The following MTMR1 variants were observed in gnomAD, a reference collection of about 807,000 sequenced individuals.
MTMR1 encodes the protein phosphatidylinositol-3-phosphate phosphatase MTMR1.
Under a neutral mutation model 51.6 loss-of-function variants are expected in MTMR1, and 17 were observed. The ratio of observed to expected loss-of-function variants is 0.33; its 90% confidence interval spans 0.23 to 0.49. The LOEUF (loss-of-function observed/expected upper bound fraction) is 0.49, where lower values mean the gene tolerates loss of function less well. Among genes scored for constraint, MTMR1 ranks in the 20% least tolerant of loss-of-function variants. The pLI, the probability that MTMR1 is intolerant of heterozygous loss-of-function variation, is 0.99. For missense variants in MTMR1, 386 were observed against 526.9 expected (o/e 0.73, Z 2.62); for synonymous variants, 201 against 205.6 (o/e 0.98, Z 0.19).
chrX:150,701,101 G>T (rs1183930190), intron 2 of MTMR1, among the ~76,000 whole-genome samples: 1 of 112,245 alleles, frequency 8.9e-6, no homozygotes, highest in Non-Finnish European at 1.9e-5. Context: ...TTGTAAGGGG[G>T]CATGTTTTAT....
chrX:150,757,391 G>A (rs183403202), intron 15 of MTMR1, among the ~76,000 whole-genome samples: 9 of 112,757 alleles, frequency 8.0e-5, no homozygotes, highest in African/African-American at 2.9e-4. Flanking sequence ...TTCCTAGATG[G>A]CTTTCTATTT....
chrX:150,694,760 A>G (rs782045462), intron 1 of MTMR1, among the ~76,000 whole-genome samples: 4 of 112,387 alleles, frequency 3.6e-5, no homozygotes, highest in Non-Finnish European at 7.5e-5. Flanking sequence ...ATTCAACCAC[A>G]CACGAGGTCT....
chrX:150,764,499 A>G lies in MTMR1; in HGVS notation c.*1770A>G, dbSNP rs184679979. 9.0e-6 allele frequency: 1 copy of G among 111,077 alleles called. No individual in the cohort carries two copies. Among genetic ancestry groups the G allele is most frequent in the East Asian group, 2.8e-4 (1 of 3,550 alleles). 9.2% of individuals were successfully genotyped at this position (111,077 alleles called of 1,213,427 possible). A position where few individuals can be genotyped will look rare whatever the true frequency, so the allele number is the denominator to read the frequency against. On this transcript the variant is annotated 3_prime_UTR_variant, in exon 16 of 16. Transcript: ENST00000445323. The stretch of plus-strand genomic sequence containing the variant: ...TTTTTTTTTAATGGGGACATTTGCC[A>G]TTTTCTTCCCAGAAATATGTAATCC...
At position 150,755,355 on chromosome X, in the gene MTMR1, A is replaced by C. The variant is rs1351704230; in HGVS notation, c.1681-334A>C. On this transcript the variant is annotated intron_variant, in intron 14 of 15. Coordinates refer to ENST00000445323, the MANE Select transcript of MTMR1 (RefSeq NM_001306144.3). ...TACTGTGCCCAGCCTACAAAAGCAA[A>C]CCTTACACCAGAATTCAAAATTATA... Among the ~76,000 whole-genome samples, 35 of 112,143 alleles carry C rather than the reference A, an allele frequency of 3.1e-4. No homozygotes were observed. In the Admixed American group the frequency reaches 3.3e-3, roughly 11 times the overall value.
chrX:150,712,478 C>T, intron 3 of MTMR1, 113 bp downstream of exon 3: 2 of 713,214 alleles, frequency 2.8e-6, no homozygotes, highest in Non-Finnish European at 4.1e-6. Flanking sequence ...TTATGAATCA[C>T]TCAGATCAAT....
intron 15 of MTMR1, among the ~76,000 whole-genome samples, chrX:150,760,876 G>A (rs782757053): frequency 2.2e-4 from 24 of 107,265 alleles, no homozygotes; most frequent in African/African-American, 7.5e-4. Context: ...GCAGTGAGCT[G>A]AGATCGTGCC....
chrX:150,719,873 A>G (rs1385050314), intron 4 of MTMR1, among the ~76,000 whole-genome samples: 8 of 111,665 alleles, frequency 7.2e-5, no homozygotes, highest in African/African-American at 2.6e-4. Context: ...AGAAGGCTTC[A>G]GTGGATTTAG....
chrX:150,693,300 T>C (rs1423151152), upstream of MTMR1: 15 of 221,384 alleles, frequency 6.8e-5, no homozygotes, highest in Non-Finnish European at 9.1e-5. Flanking sequence ...AGGTGGGGGT[T>C]CCCGGCGCCG....
chrX:150,698,628 G>A lies in MTMR1; in HGVS notation c.147-567G>A, dbSNP rs1288862525. On this transcript the variant is annotated intron_variant, in intron 1 of 15. Transcript: ENST00000445323. ...AAGGCGGGTGGGTCACTCGAGCCCAGGAATTCGAGACTAGCCTGGGAAACA... is the reference window on the plus strand; with the variant it reads ...AAGGCGGGTGGGTCACTCGAGCCCAAGAATTCGAGACTAGCCTGGGAAACA... Among the ~76,000 whole-genome samples, 4 of 106,713 alleles carry A rather than the reference G, an allele frequency of 3.7e-5. No homozygotes were observed. The East Asian group carries it at 1.2e-3, about 32-fold the overall frequency. 92.7% of individuals were successfully genotyped at this position (106,713 alleles called of 115,157 possible).
At chrX:150,705,257 C>T (rs782480496) in intron 2 of MTMR1, among the ~76,000 whole-genome samples, 2 of 111,259 alleles carry the variant, frequency 1.8e-5, no homozygotes, top group Non-Finnish European at 3.8e-5. Context: ...ACACTGATGT[C>T]GTCAAAGTCC....
intron 2 of MTMR1, among the ~76,000 whole-genome samples, 173 bp downstream of exon 2, chrX:150,699,473 A>G (rs1265905530): frequency 8.9e-6 from 1 of 112,637 alleles, no homozygotes; most frequent in Non-Finnish European, 1.9e-5. Flanking sequence ...AAATTTTACC[A>G]GTATCCAGTA....
intron 4 of MTMR1, among the ~76,000 whole-genome samples, chrX:150,723,468 C>G (rs892312219): frequency 1.8e-5 from 2 of 109,762 alleles, no homozygotes; most frequent in East Asian, 2.9e-4. Context: ...TACAGTCCCA[C>G]CAACAGTGTA....
chrX:150,696,324 T>C (rs1453142823), intron 1 of MTMR1, among the ~76,000 whole-genome samples: 1 of 111,747 alleles, frequency 8.9e-6, no homozygotes, highest in East Asian at 2.8e-4. Flanking sequence ...AAGAGTGACC[T>C]CTAGAATGGA....
intron 15 of MTMR1, among the ~76,000 whole-genome samples, chrX:150,757,892 A>G (rs1209403268): frequency 9.0e-6 from 1 of 110,651 alleles, no homozygotes; most frequent in Non-Finnish European, 1.9e-5. Flanking sequence ...GTACTTTGAG[A>G]AAGAGAGTGG....
chrX:150,715,092 C>T (rs2041452016), intron 3 of MTMR1, among the ~76,000 whole-genome samples: 2 of 111,997 alleles, frequency 1.8e-5, no homozygotes, highest in African/African-American at 6.5e-5. Flanking sequence ...AGAGCAGCTC[C>T]AGGGATGTGT....
At chrX:150,702,772 C>T (rs1268787960) in intron 2 of MTMR1, among the ~76,000 whole-genome samples, 2 of 111,637 alleles carry the variant, frequency 1.8e-5, no homozygotes, top group African/African-American at 6.5e-5. Flanking sequence ...TTAGTATGGG[C>T]AGTTGGCAGA....
At chrX:150,751,182 G>C in intron 14 of MTMR1, 1 of 845,486 alleles carries the variant, frequency 1.2e-6, no homozygotes, top group Admixed American at 6.1e-5. Context: ...GTGTTGGCCA[G>C]ATCATACTTG....
At chrX:150,735,643 A>T (rs5970468) in intron 10 of MTMR1, 34,508 of 348,461 alleles carry the variant, frequency 0.099, 1,636 homozygotes, top group Non-Finnish European at 0.13. Context: ...CTTCTTTTTT[A>T]AAAAAAACTT....
intron 14 of MTMR1, among the ~76,000 whole-genome samples, chrX:150,753,486 CT>C (rs1396913370): frequency 4.5e-5 from 5 of 112,201 alleles, no homozygotes. Context: ...TACTATTTTC[CT>C]TTTTAAAAAA....
Sources: allele counts gnomAD v4.1 joint callset (sites outside exome capture counted in the v4.1 genomes callset), GRCh38; gene constraint gnomAD v4.1.1; transcripts MANE v1.5; gene names NCBI Gene and HGNC (gene_info 2026-07-23, HGNC 2026-07-21).